The following GALNT17 variants were observed in gnomAD, a reference collection of about 807,000 sequenced individuals.
GALNT17 encodes the protein UDP-GalNAc:polypeptide N-acetylgalactosaminyltransferase-like 3.
A neutral mutation model predicts 63.7 loss-of-function variants in GALNT17; 29 were observed. The ratio of observed to expected loss-of-function variants is 0.46; its 90% confidence interval spans 0.34 to 0.62. GALNT17 has a LOEUF of 0.62. Ranked by LOEUF, GALNT17 falls within the 20% of genes least tolerant of loss-of-function variation. GALNT17 has a pLI of 0.01. For synonymous variants in GALNT17, 305 were observed against 318.3 expected (o/e 0.96, Z 0.45); for missense variants, 603 against 799.6 (o/e 0.75, Z 2.97).
intron 5 of GALNT17, among the ~76,000 whole-genome samples, chr7:71,513,280 A>G (rs1461576827): frequency 1.3e-5 from 2 of 152,182 alleles, no homozygotes; most frequent in Admixed American, 6.5e-5. Context: ...CATATACAAA[A>G]GTAGAGAGAA....
At chr7:71,209,072 CAAATGAG>C (rs1327672017) in intron 1 of GALNT17, among the ~76,000 whole-genome samples, 2 of 152,202 alleles carry the variant, frequency 1.3e-5, no homozygotes, top group Admixed American at 1.3e-4. Context: ...ACCTCATAAA[CAAATGAG>C]TGTGGCTGTG....
intron 6 of GALNT17, among the ~76,000 whole-genome samples, chr7:71,611,861 GAGAA>G: frequency 6.6e-6 from 1 of 152,154 alleles, no homozygotes; most frequent in African/African-American, 2.4e-5. Context: ...CAAGCAGAGA[GAGAA>G]AGTGAGTATT....
In GALNT17 at chr7:71,571,276, C is replaced by G; in HGVS notation, c.963-9C>G. 2 of 1,613,466 alleles carry G rather than the reference C, an allele frequency of 1.2e-6. No homozygotes were observed. The highest frequency in any genetic ancestry group is 1.7e-6 in the Non-Finnish European group (2 of 1,179,444). On this transcript the variant is annotated splice_polypyrimidine_tract_variant and intron_variant, in intron 5 of 10. Transcript: ENST00000333538. Reference sequence around the variant, plus strand: ...CTCAATGAGCTTCCCTTCTTTCTCCCTCCCTCAGGACCCCAGCCATGATAG... The same window carrying G: ...CTCAATGAGCTTCCCTTCTTTCTCCGTCCCTCAGGACCCCAGCCATGATAG...
chr7:71,283,268 T>A (rs974307612), intron 1 of GALNT17, among the ~76,000 whole-genome samples: 2 of 152,126 alleles, frequency 1.3e-5, no homozygotes, highest in Non-Finnish European at 2.9e-5. Flanking sequence ...TTCAAACTCC[T>A]AGGCTCAAGG....
intron 5 of GALNT17, among the ~76,000 whole-genome samples, chr7:71,508,644 G>C (rs577385416): frequency 6.6e-6 from 1 of 152,170 alleles, no homozygotes; most frequent in South Asian, 2.1e-4. Flanking sequence ...GGTCCTCGCC[G>C]GCACCAGCTC....
intron 6 of GALNT17, among the ~76,000 whole-genome samples, chr7:71,575,671 A>G (rs927460413): frequency 1.3e-5 from 2 of 152,036 alleles, no homozygotes; most frequent in African/African-American, 4.8e-5. Flanking sequence ...GACAGGAGTG[A>G]GCCACCGTGC....
intron 9 of GALNT17, among the ~76,000 whole-genome samples, chr7:71,699,318 A>G (rs1031571412): frequency 1.3e-5 from 2 of 151,972 alleles, no homozygotes; most frequent in East Asian, 3.9e-4. Flanking sequence ...TCTCTACTAC[A>G]AGTACAAAAA....
At chr7:71,605,436 A>C (rs895352393) in intron 6 of GALNT17, among the ~76,000 whole-genome samples, 1 of 151,950 alleles carries the variant, frequency 6.6e-6, no homozygotes, top group Non-Finnish European at 1.5e-5. Flanking sequence ...AAATACAAAA[A>C]TTAGCTGGGC....
At chr7:71,530,823 C>A (rs1788708375) in intron 5 of GALNT17, among the ~76,000 whole-genome samples, 1 of 152,110 alleles carries the variant, frequency 6.6e-6, no homozygotes, top group South Asian at 2.1e-4. Context: ...CCGCCTCGGC[C>A]TCCCAAAGCG....
intron 8 of GALNT17, among the ~76,000 whole-genome samples, chr7:71,672,962 T>C (rs919008200): frequency 2.0e-5 from 3 of 151,808 alleles, no homozygotes; most frequent in Non-Finnish European, 4.4e-5. Context: ...ATTTATTTCA[T>C]AGTCAAAGAA....
intron 5 of GALNT17, among the ~76,000 whole-genome samples, chr7:71,436,476 T>C (rs964288601): frequency 3.3e-5 from 5 of 152,136 alleles, no homozygotes; most frequent in Non-Finnish European, 7.4e-5. Context: ...TCCCAGCACT[T>C]TGGGAGGCCG....
At chr7:71,209,910 A>ATATT (rs146339555) in intron 1 of GALNT17, among the ~76,000 whole-genome samples, 3,283 of 151,630 alleles carry the variant, frequency 0.022, 96 homozygotes, top group African/African-American at 0.065. Flanking sequence ...AGATGTTGTG[A>ATATT]TATTTATTTA....
At chr7:71,437,101 C>T (rs963305712) in intron 5 of GALNT17, among the ~76,000 whole-genome samples, 5 of 151,844 alleles carry the variant, frequency 3.3e-5, no homozygotes, top group Non-Finnish European at 5.9e-5. Context: ...AGGTAATTAC[C>T]GTTGCTGACC....
intron 5 of GALNT17, among the ~76,000 whole-genome samples, chr7:71,431,625 G>C (rs1209909345): frequency 6.6e-6 from 1 of 152,112 alleles, no homozygotes; most frequent in Non-Finnish European, 1.5e-5. Context: ...ATGTAGTCAG[G>C]CCCAGAGTCT....
At chr7:71,304,019 A>G (rs1425608415) in intron 1 of GALNT17, among the ~76,000 whole-genome samples, 1 of 152,184 alleles carries the variant, frequency 6.6e-6, no homozygotes, top group African/African-American at 2.4e-5. Flanking sequence ...AGCCAATTAA[A>G]ATACTAAATA....
chr7:71,532,293 T>C (rs7782114), intron 5 of GALNT17, among the ~76,000 whole-genome samples: 14,677 of 152,074 alleles, frequency 0.097, 776 homozygotes, highest in South Asian at 0.14. Flanking sequence ...CTAATCAGAA[T>C]ATATAATCAG....
At chr7:71,177,223 C>CT (rs1167001538) in intron 1 of GALNT17, among the ~76,000 whole-genome samples, 3 of 152,114 alleles carry the variant, frequency 2.0e-5, no homozygotes, top group African/African-American at 7.2e-5. Flanking sequence ...CATTAACAGG[C>CT]TAGTTTCCCT....
At chr7:71,206,044 A>G (rs2116379634) in intron 1 of GALNT17, among the ~76,000 whole-genome samples, 1 of 149,074 alleles carries the variant, frequency 6.7e-6, no homozygotes, top group African/African-American at 2.5e-5. Context: ...TAGAGAATAT[A>G]TATATATATA....
intron 2 of GALNT17, among the ~76,000 whole-genome samples, chr7:71,360,472 ATCACTTT>A (rs200568976): frequency 0.042 from 6,467 of 152,300 alleles, 233 homozygotes; most frequent in East Asian, 0.1. Context: ...AACTTCGGTT[ATCACTTT>A]AATTACTGCA....
Sources: allele counts gnomAD v4.1 joint callset (sites outside exome capture counted in the v4.1 genomes callset), GRCh38; gene constraint gnomAD v4.1.1; transcripts MANE v1.5; gene names NCBI Gene and HGNC (gene_info 2026-07-23, HGNC 2026-07-21).